The following SGCD variants were observed in gnomAD, a reference collection of about 807,000 sequenced individuals.
SGCD encodes the protein sarcoglycan delta.
SGCD carries 18 observed loss-of-function variants against 36.6 expected under a neutral mutation model. The observed-to-expected ratio is 0.49, with a 90% confidence interval of 0.34 to 0.73. SGCD has a LOEUF of 0.73. SGCD is among the 30% of genes least tolerant of loss of function. SGCD has a pLI of 0.01. For synonymous variants in SGCD, 133 were observed against 130.6 expected (o/e 1.02, Z -0.12); for missense variants, 387 against 346.7 (o/e 1.12, Z -0.92).
At chr5:155,778,603 A>G in the SGCD span, among the ~76,000 whole-genome samples, 24 of 134,684 alleles carry the variant, frequency 1.8e-4, no homozygotes, top group African/African-American at 6.4e-4. Context: ...GGAGGTTATA[A>G]GGCTACACGT....
chr5:156,111,305 G>T (rs1225452682), intron 1 of SGCD, among the ~76,000 whole-genome samples: 4 of 152,192 alleles, frequency 2.6e-5, no homozygotes, highest in Non-Finnish European at 5.9e-5. Flanking sequence ...GTAGGTGAGA[G>T]GGTGTGGTAC....
intron 1 of SGCD, among the ~76,000 whole-genome samples, chr5:155,982,734 T>C (rs1289385016): frequency 6.6e-6 from 1 of 152,214 alleles, no homozygotes; most frequent in Non-Finnish European, 1.5e-5. Flanking sequence ...CTCTGAGCCC[T>C]CAGCTACGAT....
chr5:156,247,107 C>G (rs1765458059), intron 3 of SGCD, among the ~76,000 whole-genome samples: 1 of 152,202 alleles, frequency 6.6e-6, no homozygotes, highest in Non-Finnish European at 1.5e-5. Context: ...CCCTGTTAGC[C>G]ACACTTAGCA....
At position 156,595,046 on chromosome 5, in the gene SGCD, T is replaced by C; in HGVS notation, c.497T>C (p.Val166Ala). The change falls in exon 6 of 9, where the codon GTT becomes GCT. Residue 166 changes from valine to alanine, a missense_variant. Physicochemically the swap from Val to Ala is moderately conservative, Grantham distance 64. Transcript: ENST00000337851. ...GTAGTAGGAGCTGAAAGATTACGAG[T>C]TTTAGGTAAGGAAACTTGAATCATT... ...EVVVGAERLR[V>A]LGAEGTVFPK... 1 of 1,610,452 alleles carries C rather than the reference T, an allele frequency of 6.2e-7. No individual in the cohort carries two copies.
At chr5:156,410,851 T>G (rs1772705409) in intron 3 of SGCD, among the ~76,000 whole-genome samples, 1 of 152,112 alleles carries the variant, frequency 6.6e-6, no homozygotes, top group South Asian at 2.1e-4. Context: ...TTCCCACTCC[T>G]CTTTTCTGGA....
intron 1 of SGCD, among the ~76,000 whole-genome samples, chr5:156,095,133 T>C (rs1302373853): frequency 1.3e-5 from 2 of 152,224 alleles, no homozygotes; most frequent in Non-Finnish European, 2.9e-5. Context: ...CACCTCCTGA[T>C]ACTAGACCCC....
intron 5 of SGCD, among the ~76,000 whole-genome samples, chr5:156,594,418 G>GATC (rs1760842240): frequency 6.6e-6 from 1 of 152,126 alleles, no homozygotes; most frequent in Admixed American, 6.5e-5. Flanking sequence ...GCTATGAAAT[G>GATC]ATCTGTATAC....
intron 3 of SGCD, among the ~76,000 whole-genome samples, chr5:156,147,371 T>G (rs1762728531): frequency 1.3e-5 from 2 of 152,216 alleles, no homozygotes; most frequent in African/African-American, 4.8e-5. Context: ...GATTACCAGT[T>G]TTACATAACT....
intron 3 of SGCD, among the ~76,000 whole-genome samples, chr5:156,489,597 G>T (rs1333290981): frequency 1.3e-5 from 2 of 151,994 alleles, no homozygotes; most frequent in African/African-American, 4.8e-5. Flanking sequence ...CAAATACATG[G>T]AAATTAAACA....
intron 1 of SGCD, among the ~76,000 whole-genome samples, chr5:155,871,132 G>GA (rs1580962347): frequency 6.6e-6 from 1 of 152,068 alleles, no homozygotes; most frequent in South Asian, 2.1e-4. Flanking sequence ...CATTTGTTGT[G>GA]AAAATCTCAC....
In SGCD at chr5:156,131,479, G is replaced by A. The variant is rs147096297; in HGVS notation, c.-44+7460G>A. ...AGCCCTCTATAAATGCTAGGCTGCT[G>A]TTTTGGGTTTTAGAGATTATATGAA... is the stretch of plus-strand genomic sequence containing the variant. On this transcript the variant is annotated intron_variant, in intron 3 of 9. Coordinates refer to the SGCD transcript ENST00000517913. Among the ~76,000 whole-genome samples the A allele has an allele frequency of 4.9e-3, 754 of 152,342 alleles. 4 individuals carry two copies. Among genetic ancestry groups the A allele is most frequent in the African/African-American group, 0.014 (574 of 41,582 alleles).
intron 1 of SGCD, among the ~76,000 whole-genome samples, chr5:156,077,971 G>A (rs1446408354): frequency 1.3e-5 from 2 of 152,022 alleles, no homozygotes; most frequent in Non-Finnish European, 2.9e-5. Context: ...ACTTCTCACT[G>A]TCACTTTAAC....
At chr5:156,570,819 G>A (rs1386318934) in intron 4 of SGCD, among the ~76,000 whole-genome samples, 1 of 152,030 alleles carries the variant, frequency 6.6e-6, no homozygotes, top group East Asian at 1.9e-4. Context: ...CCTCTGATAG[G>A]CCCCAGTGGG....
At chr5:156,308,573 C>T (rs767928118) in intron 3 of SGCD, among the ~76,000 whole-genome samples, 12 of 152,090 alleles carry the variant, frequency 7.9e-5, no homozygotes, top group South Asian at 2.1e-4. Context: ...GCTAGGATTA[C>T]GGGCATGAGC....
the SGCD span, among the ~76,000 whole-genome samples, chr5:155,796,968 A>G: frequency 6.6e-6 from 1 of 152,138 alleles, no homozygotes; most frequent in Non-Finnish European, 1.5e-5. Context: ...AAAAATCAAC[A>G]GAACCAGAAG....
chr5:156,009,461 G>C (rs1320483420), intron 1 of SGCD, among the ~76,000 whole-genome samples: 1 of 152,114 alleles, frequency 6.6e-6, no homozygotes, highest in Non-Finnish European at 1.5e-5. Context: ...ATGACTGTGA[G>C]TTTAGTTTTT....
At chr5:156,265,834 A>G (rs1043195471) in intron 3 of SGCD, among the ~76,000 whole-genome samples, 9 of 152,256 alleles carry the variant, frequency 5.9e-5, no homozygotes, top group Non-Finnish European at 1.3e-4. Flanking sequence ...ACTCTTGACA[A>G]TGGAGATATC....
chr5:156,372,322 A>T (rs890569316), intron 3 of SGCD, among the ~76,000 whole-genome samples: 6 of 152,168 alleles, frequency 3.9e-5, no homozygotes, highest in African/African-American at 1.4e-4. Context: ...TGCATATTTT[A>T]CTTTGGTGCA....
At chr5:155,904,713 G>A (rs1210236491) in intron 1 of SGCD, among the ~76,000 whole-genome samples, 1 of 152,100 alleles carries the variant, frequency 6.6e-6, no homozygotes. Flanking sequence ...TGTGTGACTT[G>A]TAACTATAGG....
Sources: allele counts gnomAD v4.1 joint callset (sites outside exome capture counted in the v4.1 genomes callset), GRCh38; gene constraint gnomAD v4.1.1; transcripts MANE v1.5; gene names NCBI Gene and HGNC (gene_info 2026-07-23, HGNC 2026-07-21).